Variants in EML6 observed in about 807,000 individuals in gnomAD.
EML6 encodes echinoderm microtubule-associated protein-like 6.
A neutral mutation model predicts 240.1 loss-of-function variants in EML6; 154 were observed. That is an observed-to-expected ratio of 0.64 (90% confidence interval 0.56 to 0.73). The LOEUF is 0.73. Among genes scored for constraint, EML6 ranks in the 30% least tolerant of loss-of-function variants. The pLI, the probability that EML6 is intolerant of heterozygous loss-of-function variation, is 0.00. For synonymous variants in EML6, 1,148 were observed against 899.0 expected (o/e 1.28, Z -4.95); for missense variants, 2,964 against 2,474.6 (o/e 1.20, Z -4.20).
At chr2:54,900,032 G>A (rs1672974507) in intron 22 of EML6, among the ~76,000 whole-genome samples, 1 of 152,140 alleles carries the variant, frequency 6.6e-6, no homozygotes, top group Admixed American at 6.5e-5. Flanking sequence ...GCCACCTGGG[G>A]GCAATATGTC....
At chr2:54,794,471 C>T (rs1669642564) in intron 2 of EML6, among the ~76,000 whole-genome samples, 1 of 152,152 alleles carries the variant, frequency 6.6e-6, no homozygotes, top group Non-Finnish European at 1.5e-5. Context: ...GCAGAAACAT[C>T]TGAGGGAGTA....
At chr2:54,942,844 T>G (rs1675496366) in intron 28 of EML6, among the ~76,000 whole-genome samples, 1 of 152,154 alleles carries the variant, frequency 6.6e-6, no homozygotes, top group Non-Finnish European at 1.5e-5. Flanking sequence ...TCAAGACAAA[T>G]AAGTGCCTAG....
At chr2:54,798,092 TAAC>T (rs1404044881) in intron 2 of EML6, among the ~76,000 whole-genome samples, 1 of 152,210 alleles carries the variant, frequency 6.6e-6, no homozygotes, top group Non-Finnish European at 1.5e-5. Flanking sequence ...TTTGGTACCT[TAAC>T]AATAATTGAG....
At chr2:54,771,465 G>T (rs944214215) in intron 2 of EML6, among the ~76,000 whole-genome samples, 1 of 152,200 alleles carries the variant, frequency 6.6e-6, no homozygotes, top group Non-Finnish European at 1.5e-5. Context: ...TGCCTCAACT[G>T]GTCTTCATCA....
intron 2 of EML6, among the ~76,000 whole-genome samples, chr2:54,790,037 C>G (rs1020562833): frequency 6.6e-5 from 10 of 152,092 alleles, no homozygotes; most frequent in Admixed American, 1.3e-4. Flanking sequence ...GCACAGGTAA[C>G]CTGTACAAGA....
chr2:54,885,125 C>G (rs1296274047), intron 17 of EML6, among the ~76,000 whole-genome samples: 3 of 152,022 alleles, frequency 2.0e-5, no homozygotes, highest in Non-Finnish European at 4.4e-5. Context: ...CCACTGCACT[C>G]CAGCCTGAGT....
chr2:54,835,520 G>GT (rs1669095602), intron 7 of EML6, among the ~76,000 whole-genome samples: 1 of 152,172 alleles, frequency 6.6e-6, no homozygotes, highest in African/African-American at 2.4e-5. Flanking sequence ...GGTCTTAGAG[G>GT]TTTAGGCAGG....
intron 28 of EML6, among the ~76,000 whole-genome samples, chr2:54,942,477 C>T (rs1261424679): frequency 2.6e-5 from 4 of 152,042 alleles, no homozygotes. Flanking sequence ...GTTGATCTGC[C>T]TCCTGTCAAT....
intron 2 of EML6, among the ~76,000 whole-genome samples, chr2:54,763,001 C>T (rs1427460097): frequency 6.6e-6 from 1 of 152,084 alleles, no homozygotes; most frequent in African/African-American, 2.4e-5. Context: ...TACTGGTAAC[C>T]CCCCAATTCC....
intron 10 of EML6, 41 bp downstream of exon 10, chr2:54,850,259 A>AT: frequency 6.5e-7 from 1 of 1,528,974 alleles, no homozygotes. Context: ...GGAAAGCAAA[A>AT]TTTTGAACCA....
chr2:54,931,163 TAGCC>T (rs1402148519), intron 28 of EML6, among the ~76,000 whole-genome samples: 1 of 151,896 alleles, frequency 6.6e-6, no homozygotes, highest in Non-Finnish European at 1.5e-5. Flanking sequence ...TTCACCGTGT[TAGCC>T]AGGATGGTCT....
intron 6 of EML6, among the ~76,000 whole-genome samples, 185 bp downstream of exon 6, chr2:54,827,936 G>A (rs1668675455): frequency 6.6e-6 from 1 of 152,170 alleles, no homozygotes; most frequent in East Asian, 1.9e-4. Flanking sequence ...AGCATACAAT[G>A]TAATTAGCCC....
chr2:54,864,927 G>A (rs772853730), intron 13 of EML6, among the ~76,000 whole-genome samples: 33 of 152,168 alleles, frequency 2.2e-4, no homozygotes, highest in Admixed American at 3.9e-4. Flanking sequence ...GCCCCATGAC[G>A]AAATCATCTT....
At position 54,823,878 on chromosome 2, in the gene EML6, T is replaced by TCTCTCTCTCTCTCTCTCTGTCTCTCTC. The variant is rs60937620; in HGVS notation, c.525+3416_525+3417insCTCTCTCTCTCTCTCTCTGTCTCTCTC. Among the ~76,000 whole-genome samples the TCTCTCTCTCTCTCTCTCTGTCTCTCTC allele has an allele frequency of 4.7e-3, 613 of 129,146 alleles. 9 individuals are homozygous for TCTCTCTCTCTCTCTCTCTGTCTCTCTC. The highest frequency in any genetic ancestry group is 7.2e-3 in the Non-Finnish European group (463 of 63,918). 84.7% of individuals were successfully genotyped at this position (129,146 alleles called of 152,430 possible). A position where few individuals can be genotyped will look rare whatever the true frequency, so the allele number is the denominator to read the frequency against. On this transcript the variant is annotated intron_variant, in intron 5 of 41. Coordinates refer to ENST00000356458, the MANE Select transcript of EML6 (RefSeq NM_001039753.4). The stretch of plus-strand genomic sequence containing the variant: ...TCTCTCTCTCTCTCTCTCTCTCTCT[T>TCTCTCTCTCTCTCTCTCTGTCTCTCTC]TCTGTCTCTCTCTCTCTCTCTCAGA...
intron 26 of EML6, among the ~76,000 whole-genome samples, chr2:54,927,994 C>T (rs911363582): frequency 6.6e-6 from 1 of 152,222 alleles, no homozygotes; most frequent in African/African-American, 2.4e-5. Flanking sequence ...CACTAGAGAC[C>T]TGTGGAGGCA....
chr2:54,852,562 G>T (rs758478960), intron 10 of EML6, among the ~76,000 whole-genome samples: 19 of 152,098 alleles, frequency 1.2e-4, no homozygotes, highest in Non-Finnish European at 2.2e-4. Flanking sequence ...CCCTGTACTG[G>T]TGGAATTTTC....
intron 3 of EML6, among the ~76,000 whole-genome samples, chr2:54,814,129 G>T (rs1667979820): frequency 6.6e-6 from 1 of 152,162 alleles, no homozygotes; most frequent in Admixed American, 6.5e-5. Flanking sequence ...CACTTTGTAG[G>T]TGGGCATTCT....
In EML6 at chr2:54,903,463, G is replaced by T. The variant is rs778094469; in HGVS notation, c.3370G>T (p.Ala1124Ser). 4 of 1,551,972 alleles carry T rather than the reference G, an allele frequency of 2.6e-6. No homozygotes were observed. Among genetic ancestry groups the T allele is most frequent in the Non-Finnish European group, 3.5e-6 (4 of 1,146,972 alleles). The change falls in exon 24 of 42, where the codon GCT becomes TCT. Residue 1124 changes from alanine to serine, a missense_variant. By Grantham distance (99) the Ala-to-Ser change is moderately conservative. Coordinates refer to ENST00000356458, the MANE Select transcript of EML6 (RefSeq NM_001039753.4). ...TSKRVGICKG[A>S]SSYITHIDWD... is the part of the protein sequence containing the mutation. ...CAAAAGGGTTGGCATCTGTAAAGGTGCTTCTAGTTATATTACACACATTGA... is the reference window on the plus strand; with the variant it reads ...CAAAAGGGTTGGCATCTGTAAAGGTTCTTCTAGTTATATTACACACATTGA...
At chr2:54,905,764 G>T (rs775669141) in intron 24 of EML6, among the ~76,000 whole-genome samples, 1 of 152,066 alleles carries the variant, frequency 6.6e-6, no homozygotes, top group African/African-American at 2.4e-5. Context: ...TAGGTACCTC[G>T]TATAAGTGGA....
Sources: allele counts gnomAD v4.1 joint callset (sites outside exome capture counted in the v4.1 genomes callset), GRCh38; gene constraint gnomAD v4.1.1; transcripts MANE v1.5; gene names NCBI Gene and HGNC (gene_info 2026-07-23, HGNC 2026-07-21).